The following HS6ST3 variants were observed in gnomAD, a reference collection of about 807,000 sequenced individuals.
HS6ST3 encodes heparan-sulfate 6-O-sulfotransferase 3.
HS6ST3 carries 12 observed loss-of-function variants against 36.7 expected under a neutral mutation model. The ratio of observed to expected loss-of-function variants is 0.33; its 90% CI spans 0.21 to 0.53. The LOEUF (loss-of-function observed/expected upper bound fraction) is 0.53. HS6ST3 is among the 20% of genes least tolerant of loss of function. The probability of loss-of-function intolerance (pLI) is 0.95; values close to 1 mark genes in which losing one functional copy is unlikely to be tolerated. For synonymous variants in HS6ST3, 240 were observed against 257.5 expected (o/e 0.93, Z 0.65); for missense variants, 584 against 640.9 (o/e 0.91, Z 0.96).
intron 1 of HS6ST3, among the ~76,000 whole-genome samples, chr13:96,812,566 C>T (rs1878339140): frequency 6.6e-6 from 1 of 152,138 alleles, no homozygotes; most frequent in Non-Finnish European, 1.5e-5. Context: ...TTCCTCCTCA[C>T]TAGCACAAAA....
intron 1 of HS6ST3, among the ~76,000 whole-genome samples, chr13:96,140,178 A>G (rs995599061): frequency 6.6e-6 from 1 of 152,230 alleles, no homozygotes; most frequent in Non-Finnish European, 1.5e-5. Context: ...ACGTATGCAA[A>G]CAAACACATA....
intron 1 of HS6ST3, among the ~76,000 whole-genome samples, chr13:96,504,758 T>G (rs2056019591): frequency 6.6e-6 from 1 of 152,118 alleles, no homozygotes; most frequent in African/African-American, 2.4e-5. Context: ...CTCGTTATAT[T>G]ATGAGCATGT....
chr13:96,292,019 T>C (rs1363905716), intron 1 of HS6ST3, among the ~76,000 whole-genome samples: 3 of 152,148 alleles, frequency 2.0e-5, no homozygotes, highest in Admixed American at 2.0e-4. Context: ...TTAAATATGC[T>C]TAGAAAACCT....
chr13:96,138,732 A>G (rs1379527400), intron 1 of HS6ST3, among the ~76,000 whole-genome samples: 1 of 152,070 alleles, frequency 6.6e-6, no homozygotes, highest in Non-Finnish European at 1.5e-5. Context: ...GCCTGTCTAC[A>G]TTGTGTTAAA....
chr13:96,363,894 G>C (rs570549154), intron 1 of HS6ST3, among the ~76,000 whole-genome samples: 1 of 151,872 alleles, frequency 6.6e-6, no homozygotes, highest in Admixed American at 6.6e-5. Flanking sequence ...GAGAACACTC[G>C]CTATTTCTCT....
At position 96,406,734 on chromosome 13, in the gene HS6ST3, G is replaced by A. The variant is rs117514730; in HGVS notation, c.707+315165G>A. ...GCACAGTGTGGCTTAAATAGGGGTG[G>A]GGAGAATGCAGATCTTTAAGTTAGA... On this transcript the variant is annotated intron_variant, in intron 1 of 1. Coordinates refer to ENST00000376705, the MANE Select transcript of HS6ST3 (RefSeq NM_153456.4). Among the ~76,000 whole-genome samples the A allele has an allele frequency of 8.6e-3, 1,309 of 152,256 alleles. 45 individuals carry two copies. The highest frequency in any genetic ancestry group is 0.048 in the Admixed American group (739 of 15,288).
intron 1 of HS6ST3, among the ~76,000 whole-genome samples, chr13:96,586,322 G>A (rs1444794404): frequency 2.6e-5 from 4 of 151,252 alleles, no homozygotes; most frequent in Admixed American, 6.6e-5. Flanking sequence ...TTAAGATGAT[G>A]TCTAGCTCTG....
intron 1 of HS6ST3, among the ~76,000 whole-genome samples, chr13:96,665,102 G>T (rs1244269872): frequency 1.3e-5 from 2 of 152,126 alleles, no homozygotes; most frequent in Non-Finnish European, 2.9e-5. Flanking sequence ...AGCCCGGGAG[G>T]TCAAGGCTGC....
chr13:96,299,126 A>G (rs2054869342), intron 1 of HS6ST3, among the ~76,000 whole-genome samples: 1 of 152,156 alleles, frequency 6.6e-6, no homozygotes, highest in African/African-American at 2.4e-5. Flanking sequence ...TCAGCCCTTA[A>G]TCCAGGCACA....
At chr13:96,255,470 AT>A (rs2054632327) in intron 1 of HS6ST3, among the ~76,000 whole-genome samples, 1 of 152,232 alleles carries the variant, frequency 6.6e-6, no homozygotes, top group Non-Finnish European at 1.5e-5. Flanking sequence ...ACACTAAAAA[AT>A]ATATTAAGAA....
rs747533689 is a variant in HS6ST3, at chr13:96,412,638, C to T, written c.707+321069C>T. Among the ~76,000 whole-genome samples the T allele has an allele frequency of 1.3e-3, 198 of 151,764 alleles. 2 individuals are homozygous for T. Among genetic ancestry groups the T allele is most frequent in the Non-Finnish European group, 2.1e-3 (142 of 67,974 alleles). Reference sequence around the variant, plus strand: ...GAGCCAGAAGAGAGAGAATTTCCACCGTAAGAGAATGTCAAAACCACAGAG... The same window carrying T: ...GAGCCAGAAGAGAGAGAATTTCCACTGTAAGAGAATGTCAAAACCACAGAG... On this transcript the variant is annotated intron_variant, in intron 1 of 1. Coordinates refer to ENST00000376705, the MANE Select transcript of HS6ST3 (RefSeq NM_153456.4).
intron 1 of HS6ST3, among the ~76,000 whole-genome samples, chr13:96,357,304 G>A (rs533424682): frequency 3.9e-5 from 6 of 152,278 alleles, no homozygotes; most frequent in Non-Finnish European, 5.9e-5. Context: ...GCTAAATGGC[G>A]TAAGAGGCCT....
At chr13:96,320,195 A>G (rs1488881819) in intron 1 of HS6ST3, among the ~76,000 whole-genome samples, 1 of 152,192 alleles carries the variant, frequency 6.6e-6, no homozygotes, top group African/African-American at 2.4e-5. Flanking sequence ...TCTTGTGCAC[A>G]CATGAACACT....
chr13:96,439,820 T>C (rs775485019), intron 1 of HS6ST3, among the ~76,000 whole-genome samples: 10 of 152,210 alleles, frequency 6.6e-5, no homozygotes, highest in Non-Finnish European at 1.3e-4. Context: ...AGATTGTGAA[T>C]AGAAGATTCT....
At chr13:96,779,163 C>T (rs966136886) in intron 1 of HS6ST3, among the ~76,000 whole-genome samples, 2 of 151,652 alleles carry the variant, frequency 1.3e-5, no homozygotes, top group Admixed American at 1.3e-4. Flanking sequence ...ACACTGGGGC[C>T]TATTGATGAG....
At chr13:96,767,103 C>A (rs907260218) in intron 1 of HS6ST3, among the ~76,000 whole-genome samples, 1 of 152,140 alleles carries the variant, frequency 6.6e-6, no homozygotes, top group Non-Finnish European at 1.5e-5. Flanking sequence ...GTGACTACAT[C>A]GTGCCTGGAA....
intron 1 of HS6ST3, among the ~76,000 whole-genome samples, chr13:96,612,023 A>T (rs1368056698): frequency 6.6e-6 from 1 of 152,120 alleles, no homozygotes; most frequent in Non-Finnish European, 1.5e-5. Flanking sequence ...CACCTAAGAG[A>T]TTGTGGGGAC....
chr13:96,321,975 G>A (rs972785949), intron 1 of HS6ST3, among the ~76,000 whole-genome samples: 3 of 151,140 alleles, frequency 2.0e-5, no homozygotes, highest in Non-Finnish European at 4.4e-5. Flanking sequence ...TTCTCAGCTG[G>A]TGACTTTATT....
chr13:96,112,606 T>C lies in HS6ST3; in HGVS notation c.707+21037T>C, dbSNP rs1342827252. ...ATATATATATATATATATATATATATATATATATATATATATGCCCGGCTG... is the reference window on the plus strand; with the variant it reads ...ATATATATATATATATATATATATACATATATATATATATATGCCCGGCTG... On this transcript the variant is annotated intron_variant, in intron 1 of 1. Transcript: ENST00000376705. Among the ~76,000 whole-genome samples the C allele has an allele frequency of 1.4e-3, 145 of 103,462 alleles. 10 individuals carry two copies. The highest frequency in any genetic ancestry group is 4.0e-3 in the African/African-American group (113 of 28,536). 67.9% of individuals were successfully genotyped at this position (103,462 alleles called of 152,430 possible).
Sources: gnomAD v4.1 joint callset for allele counts (sites outside exome capture counted in the v4.1 genomes callset) on GRCh38, gnomAD v4.1.1 for gene constraint, MANE v1.5 for transcripts, NCBI Gene and HGNC (gene_info 2026-07-23, HGNC 2026-07-21) for gene names.